The following RHPN2 variants were observed in gnomAD, a reference collection of about 807,000 sequenced individuals.
The protein encoded by RHPN2 is rhophilin Rho GTPase binding protein 2, also known as rhophilin-2.
RHPN2 carries 40 observed loss-of-function variants against 79.0 expected under a neutral mutation model. The ratio of observed to expected loss-of-function variants is 0.51; its 90% CI spans 0.39 to 0.66. The LOEUF (loss-of-function observed/expected upper bound fraction) is 0.66, where lower values mean the gene tolerates loss of function less well. RHPN2 is among the 30% of genes least tolerant of loss of function. RHPN2 has a pLI of 0.00. For missense variants in RHPN2, 686 were observed against 883.5 expected (o/e 0.78, Z 2.83); for synonymous variants, 285 against 363.5 (o/e 0.78, Z 2.46).
intron 4 of RHPN2, among the ~76,000 whole-genome samples, chr19:33,016,815 C>A (rs1486644313): frequency 6.6e-6 from 1 of 152,202 alleles, no homozygotes; most frequent in Non-Finnish European, 1.5e-5. Context: ...ACCACTTCTG[C>A]AGTACCTGTG....
At chr19:32,982,713 C>T (rs1185603741) in intron 14 of RHPN2, among the ~76,000 whole-genome samples, 2 of 152,036 alleles carry the variant, frequency 1.3e-5, no homozygotes, top group East Asian at 1.9e-4. Flanking sequence ...CTTCCATCTG[C>T]CCCCACTCGC....
In RHPN2 at chr19:33,056,197, C is replaced by T. The variant is rs1358454297; in HGVS notation, c.69+8587G>A. On this transcript the variant is annotated intron_variant, in intron 1 of 14. Transcript: ENST00000254260. ...GCGTGATCTCAGCTCACTGCAACCTCTGCCTCTCAGGTTCAAGCCATTCTC... is the reference window on the plus strand; with the variant it reads ...GCGTGATCTCAGCTCACTGCAACCTTTGCCTCTCAGGTTCAAGCCATTCTC... Among the ~76,000 whole-genome samples, 5 of 150,752 alleles carry T rather than the reference C, an allele frequency of 3.3e-5. No homozygotes were observed. The East Asian group carries it at 9.8e-4, about 30-fold the overall frequency.
Position 33,063,758 on chromosome 19 carries a change from G to GGCAGAAGTTCGTAGTGTGA in RHPN2, c.69+1025_69+1026insTCACACTACGAACTTCTGC, listed in dbSNP as rs148591203. 2.2e-4 allele frequency among the ~76,000 whole-genome samples: 33 copies of GGCAGAAGTTCGTAGTGTGA among 151,322 alleles called. No individual in the cohort carries two copies. The East Asian group carries it at 3.7e-3, about 17-fold the overall frequency. Reference sequence around the variant, plus strand: ...TGAGCTCCCTGACTGTTATCTTCTGGGCCCAAGAGCTCCTGGACATGCCAA... The same window carrying GGCAGAAGTTCGTAGTGTGA: ...TGAGCTCCCTGACTGTTATCTTCTGGGCAGAAGTTCGTAGTGTGAGCCCAAGAGCTCCTGGACATGCCAA... On this transcript the variant is annotated intron_variant, in intron 1 of 14. Coordinates refer to ENST00000254260, the MANE Select transcript of RHPN2 (RefSeq NM_033103.5).
At chr19:33,012,592 T>A in intron 5 of RHPN2, 55 bp downstream of exon 5, 1 of 1,080,554 alleles carries the variant, frequency 9.3e-7, no homozygotes, top group South Asian at 1.2e-5. Context: ...ATAATGGGGT[T>A]CCCTGAAGAC....
At chr19:33,020,476 T>C (rs1306337240) in intron 4 of RHPN2, among the ~76,000 whole-genome samples, 1 of 150,438 alleles carries the variant, frequency 6.6e-6, no homozygotes, top group Non-Finnish European at 1.5e-5. Flanking sequence ...TACAGGCATA[T>C]GCCACTATGC....
At chr19:32,985,996 C>T (rs1300849108) in intron 14 of RHPN2, among the ~76,000 whole-genome samples, 1 of 152,194 alleles carries the variant, frequency 6.6e-6, no homozygotes, top group Non-Finnish European at 1.5e-5. Flanking sequence ...ACATCATGAT[C>T]ATGGTTATCA....
chr19:33,032,323 A>C lies in RHPN2; in HGVS notation c.186-5691T>G, dbSNP rs140521106. 8.9e-4 allele frequency among the ~76,000 whole-genome samples: 136 copies of C among 152,182 alleles called. 1 individual carries two copies. Among genetic ancestry groups the C allele is most frequent in the African/African-American group, 3.1e-3 (128 of 41,556 alleles). ...TGAGCCACCGTGACCAGCCTAATGC[A>C]GGGTTTATGGAGGCTTCATTACGTA... On this transcript the variant is annotated intron_variant, in intron 2 of 14. Transcript: ENST00000254260.
intron 4 of RHPN2, among the ~76,000 whole-genome samples, chr19:33,021,365 C>CT (rs985448894): frequency 4.0e-5 from 6 of 151,694 alleles, no homozygotes; most frequent in South Asian, 2.1e-4. Flanking sequence ...CATTTTTTTT[C>CT]TTTTTTTTGG....
chr19:33,064,538 G>A (rs1244520817), intron 1 of RHPN2, among the ~76,000 whole-genome samples: 1 of 151,306 alleles, frequency 6.6e-6, no homozygotes, highest in Non-Finnish European at 1.5e-5. Flanking sequence ...GCACCTGCGC[G>A]GAGCGGCCAC....
intron 1 of RHPN2, among the ~76,000 whole-genome samples, chr19:33,053,139 TTTTTGTTTTG>T (rs58956378): frequency 0.033 from 4,939 of 151,552 alleles, 267 homozygotes; most frequent in African/African-American, 0.11. Context: ...ACCTGGCTAA[TTTTTGTTTTG>T]TTTTGTTTTG....
intron 1 of RHPN2, among the ~76,000 whole-genome samples, chr19:33,049,895 G>A (rs549609633): frequency 2.6e-5 from 4 of 152,164 alleles, no homozygotes; most frequent in Non-Finnish European, 4.4e-5. Flanking sequence ...CGGTGTGAGC[G>A]GTAGGAATGC....
Position 32,993,960 on chromosome 19 carries a change from G to C in RHPN2, c.1497+17C>G. The C allele has an allele frequency of 1.3e-6, 2 of 1,577,456 alleles. No homozygotes were observed. Among genetic ancestry groups the C allele is most frequent in the Non-Finnish European group, 1.7e-6 (2 of 1,146,736 alleles). On this transcript the variant is annotated intron_variant, in intron 12 of 14. Transcript: ENST00000254260. ...TGTCCCCTTAGGTCATTTGAATGTA[G>C]AGAGCATTCAACATACCAGCTTCTG...
intron 14 of RHPN2, among the ~76,000 whole-genome samples, chr19:32,990,058 T>C (rs1007649367): frequency 1.3e-5 from 2 of 151,160 alleles, no homozygotes; most frequent in Admixed American, 6.6e-5. Flanking sequence ...TGAGCCAAGA[T>C]TGCACCACTG....
At position 32,991,970 on chromosome 19, in the gene RHPN2, CT is replaced by C. The variant is rs1971664004; in HGVS notation, c.1498-2del. ...TAGCCGAAAACACAGATAAGGGGCCCTTTGGAAGAGAGCATCGTTAGGTGTA... is the reference window on the plus strand; with the variant it reads ...TAGCCGAAAACACAGATAAGGGGCCCTTGGAAGAGAGCATCGTTAGGTGTA... On this transcript the variant is annotated splice_acceptor_variant, in intron 12 of 14. Coordinates refer to ENST00000254260, the MANE Select transcript of RHPN2 (RefSeq NM_033103.5). LOFTEE classifies it high-confidence loss of function. 1 of 1,613,766 alleles carries C rather than the reference CT, an allele frequency of 6.2e-7. No individual in the cohort carries two copies. The highest frequency in any genetic ancestry group is 1.1e-5 in the South Asian group (1 of 91,084).
chr19:32,990,559 C>T lies in RHPN2; in HGVS notation c.1755G>A (p.Glu585=), dbSNP rs752527760. 6.2e-7 allele frequency: 1 copy of T among 1,613,916 alleles called. No homozygotes were observed. Among genetic ancestry groups the T allele is most frequent in the East Asian group, 2.2e-5 (1 of 44,870 alleles). ...GGAGGCTCACGACTTTCATCTCGAT[C>T]TCGTCCTCGCCAAAGCTCTTCAGCA... The part of the protein sequence containing the change: ...MKLLKSFGED[E]IEMKVVSLLD... Residue 585 remains glutamate, a synonymous_variant, in exon 14 of 15, where the codon GAG becomes GAA. Transcript: ENST00000254260.
At chr19:33,009,225 C>T (rs1363020973) in intron 6 of RHPN2, among the ~76,000 whole-genome samples, 6 of 151,616 alleles carry the variant, frequency 4.0e-5, no homozygotes, top group Admixed American at 6.6e-5. Context: ...TACACAAGTG[C>T]AAGAATGAAC....
At chr19:32,999,536 C>G (rs760181696) in intron 10 of RHPN2, 50 bp downstream of exon 10, 8 of 1,366,404 alleles carry the variant, frequency 5.9e-6, no homozygotes, top group Non-Finnish European at 8.1e-6. Flanking sequence ...GTGAGCAGGA[C>G]CAGCTGGGCA....
chr19:33,028,185 A>G (rs1220364018), intron 2 of RHPN2, among the ~76,000 whole-genome samples: 1 of 147,078 alleles, frequency 6.8e-6, no homozygotes, highest in African/African-American at 2.6e-5. Context: ...TAGACAGGGT[A>G]TCAGTCTGTC....
chr19:33,056,928 T>G (rs1972237344), intron 1 of RHPN2, among the ~76,000 whole-genome samples: 3 of 140,170 alleles, frequency 2.1e-5, no homozygotes, highest in Non-Finnish European at 3.1e-5. Flanking sequence ...GCTAACATGG[T>G]GAAACCCCAT....
Sources: gnomAD v4.1 joint callset for allele counts (sites outside exome capture counted in the v4.1 genomes callset) on GRCh38, gnomAD v4.1.1 for gene constraint, MANE v1.5 for transcripts, NCBI Gene and HGNC (gene_info 2026-07-23, HGNC 2026-07-21) for gene names.